Variants in KDM2B observed in about 807,000 individuals in gnomAD.
KDM2B encodes the protein lysine-specific demethylase 2B.
In KDM2B, 26 loss-of-function variants were observed where a neutral mutation model predicts 150.0. That is an observed-to-expected ratio of 0.17 (90% confidence interval 0.13 to 0.24). The LOEUF (loss-of-function observed/expected upper bound fraction) is 0.24, where lower values mean the gene tolerates loss of function less well. Ranked by LOEUF, KDM2B falls within the 10% of genes least tolerant of loss-of-function variation. KDM2B has a pLI of 1.00. For synonymous variants in KDM2B, 734 were observed against 729.5 expected (o/e 1.01, Z -0.10); for missense variants, 1,265 against 1,816.9 (o/e 0.70, Z 5.52).
chr12:121,538,517 C>T (rs952756256), intron 6 of KDM2B, among the ~76,000 whole-genome samples: 1 of 152,156 alleles, frequency 6.6e-6, no homozygotes, highest in African/African-American at 2.4e-5. Context: ...ATTCTGCATT[C>T]TAAGATGTTC....
At chr12:121,512,006 C>T (rs948643074) in intron 10 of KDM2B, among the ~76,000 whole-genome samples, 5 of 152,258 alleles carry the variant, frequency 3.3e-5, no homozygotes, top group African/African-American at 4.8e-5. Context: ...CCTGTGCCTG[C>T]GAATGGAATA....
intron 8 of KDM2B, 89 bp downstream of exon 8, chr12:121,532,717 C>G: frequency 7.1e-7 from 1 of 1,414,044 alleles, no homozygotes; most frequent in South Asian, 1.3e-5. Flanking sequence ...TCAAACCCAC[C>G]AGGCCCAGAG....
chr12:121,567,536 C>G (rs1039815904), intron 4 of KDM2B, among the ~76,000 whole-genome samples: 3 of 151,958 alleles, frequency 2.0e-5, no homozygotes, highest in South Asian at 2.1e-4. Flanking sequence ...AAGCAAGACC[C>G]GTCTCTACAA....
intron 1 of KDM2B, among the ~76,000 whole-genome samples, chr12:121,579,835 G>GAGGCTTAGCAGCTT (rs1203779998): frequency 6.6e-6 from 1 of 151,324 alleles, no homozygotes; most frequent in Non-Finnish European, 1.5e-5. Context: ...CCTCACAAGG[G>GAGGCTTAGCAGCTT]GCTGGAGGAG....
chr12:121,422,165 TGGTTGTTATTATGAC>T, the KDM2B span, among the ~76,000 whole-genome samples: 1 of 152,242 alleles, frequency 6.6e-6, no homozygotes, highest in Non-Finnish European at 1.5e-5. Flanking sequence ...GGATATAACA[TGGTTGTTATTATGAC>T]AGCATGGTTT....
the KDM2B span, among the ~76,000 whole-genome samples, chr12:121,419,410 G>A: frequency 1.3e-5 from 2 of 152,330 alleles, no homozygotes; most frequent in South Asian, 2.1e-4. Context: ...TACTGTAGTC[G>A]TAAATTAGAT....
intron 7 of KDM2B, among the ~76,000 whole-genome samples, chr12:121,534,205 A>T (rs1006211511): frequency 6.6e-5 from 10 of 152,012 alleles, no homozygotes; most frequent in Admixed American, 4.6e-4. Flanking sequence ...AAAAATTAGC[A>T]GGGCGTGGTA....
intron 12 of KDM2B, among the ~76,000 whole-genome samples, chr12:121,466,613 G>A (rs1290687594): frequency 6.6e-6 from 1 of 151,260 alleles, no homozygotes; most frequent in African/African-American, 2.4e-5. Context: ...TCTGCCCACG[G>A]CGGGCGGCGG....
intron 8 of KDM2B, among the ~76,000 whole-genome samples, chr12:121,529,964 C>T (rs767515406): frequency 8.0e-5 from 12 of 150,416 alleles, no homozygotes; most frequent in Non-Finnish European, 1.5e-4. Context: ...CGCAGTGGCT[C>T]ACGCCTGTAA....
At chr12:121,415,556 C>A in the KDM2B span, among the ~76,000 whole-genome samples, 1 of 152,184 alleles carries the variant, frequency 6.6e-6, no homozygotes, top group East Asian at 1.9e-4. Flanking sequence ...GTGGAGGTTG[C>A]AGTGAGCCGA....
chr12:121,561,388 A>G (rs1555313805), intron 4 of KDM2B, among the ~76,000 whole-genome samples: 1 of 152,122 alleles, frequency 6.6e-6, no homozygotes, highest in Non-Finnish European at 1.5e-5. Context: ...CACAGGTAGC[A>G]CTGATTAGCA....
intron 13 of KDM2B, among the ~76,000 whole-genome samples, chr12:121,446,544 G>A (rs76266167): frequency 0.06 from 9,145 of 152,284 alleles, 333 homozygotes; most frequent in Non-Finnish European, 0.082. Flanking sequence ...CACAGGTGAC[G>A]CGTACCAAAG....
In KDM2B at chr12:121,533,833, G is replaced by T. The variant is rs933632358; in HGVS notation, c.777+664C>A. Among the ~76,000 whole-genome samples, 29 of 152,172 alleles carry T rather than the reference G, an allele frequency of 1.9e-4. No homozygotes were observed. The highest frequency in any genetic ancestry group is 5.8e-4 in the African/African-American group (24 of 41,436). ...GGTTCTAGGGAAAGAAGCGACCCTGGGCCAGGAGCCATGGCCCACGCCTAC... is the reference window on the plus strand; with the variant it reads ...GGTTCTAGGGAAAGAAGCGACCCTGTGCCAGGAGCCATGGCCCACGCCTAC... On this transcript the variant is annotated intron_variant, in intron 7 of 22. Coordinates refer to ENST00000377071, the MANE Select transcript of KDM2B (RefSeq NM_032590.5). This position sits in a 1 kb window ranked among gnomAD's most constrained non-coding sequence, Gnocchi z 4.1.
intron 11 of KDM2B, among the ~76,000 whole-genome samples, chr12:121,504,510 G>C (rs782535915): frequency 5.1e-4 from 77 of 152,092 alleles, no homozygotes; most frequent in Middle Eastern, 3.4e-3. Flanking sequence ...ACTCCAGGCT[G>C]GGTGACAGAG....
chr12:121,513,484 C>T lies in KDM2B; in HGVS notation c.1048-82G>A. On this transcript the variant is annotated intron_variant, in intron 9 of 22. Transcript: ENST00000377071. The surrounding 1 kb of genome is among the most constrained non-coding windows in gnomAD (Gnocchi z 5.0). ...GAGGGAGAGAAGTGCGGGGCAGGCTCCCTGCAGGTGAGGGTCACTGTCATC... is the reference window on the plus strand; with the variant it reads ...GAGGGAGAGAAGTGCGGGGCAGGCTTCCTGCAGGTGAGGGTCACTGTCATC... 2.7e-6 allele frequency: 4 copies of T among 1,497,210 alleles called. No individual in the cohort carries two copies. The highest frequency in any genetic ancestry group is 2.7e-5 in the African/African-American group (2 of 72,950). The allele number at this position is 1,497,210 out of a possible 1,614,324, so 92.7% of individuals were successfully genotyped here.
At position 121,453,677 on chromosome 12, in the gene KDM2B, C is replaced by G. The variant is rs958503937; in HGVS notation, c.1735-333G>C. ...AGCCCTGTCTACAAGCCAAGAAGTG[C>G]CAAGGATGGCAGCACATACCAGGAG... On this transcript the variant is annotated intron_variant, in intron 12 of 22. Coordinates refer to ENST00000377071, the MANE Select transcript of KDM2B (RefSeq NM_032590.5). The surrounding 1 kb of genome is among the most constrained non-coding windows in gnomAD (Gnocchi z 6.4). Among the ~76,000 whole-genome samples, 1 of 152,090 alleles carries G rather than the reference C, an allele frequency of 6.6e-6. No individual in the cohort carries two copies. Among genetic ancestry groups the G allele is most frequent in the Non-Finnish European group, 1.5e-5 (1 of 68,002 alleles).
chr12:121,436,042 CAGGT>C (rs782401058), intron 22 of KDM2B, among the ~76,000 whole-genome samples: 4 of 152,200 alleles, frequency 2.6e-5, no homozygotes, highest in East Asian at 1.9e-4. Context: ...TTCATATCCT[CAGGT>C]AGGAAAGTTA....
intron 2 of KDM2B, among the ~76,000 whole-genome samples, chr12:121,577,150 G>A (rs952250772): frequency 3.3e-5 from 5 of 152,114 alleles, no homozygotes; most frequent in African/African-American, 1.2e-4. Flanking sequence ...GAAAGAAGCC[G>A]GGAGAGCAGA....
At chr12:121,565,932 A>T (rs1890672267) in intron 4 of KDM2B, among the ~76,000 whole-genome samples, 1 of 143,630 alleles carries the variant, frequency 7.0e-6, no homozygotes. Flanking sequence ...CGGCCCAGGA[A>T]TTTTTTTTTT....
Sources: allele counts gnomAD v4.1 joint callset (sites outside exome capture counted in the v4.1 genomes callset), GRCh38; gene constraint gnomAD v4.1.1; non-coding constraint Gnocchi (gnomAD v3.1); transcripts MANE v1.5; gene names NCBI Gene and HGNC (gene_info 2026-07-23, HGNC 2026-07-21).